Variants in LCLAT1 observed in about 807,000 individuals in gnomAD.
The protein encoded by LCLAT1 is 1-AGP acyltransferase 8.
In LCLAT1, 11 loss-of-function variants were observed where a neutral mutation model predicts 30.7. The ratio of observed to expected loss-of-function variants is 0.36; its 90% confidence interval spans 0.23 to 0.59. The LOEUF (loss-of-function observed/expected upper bound fraction) is 0.59. LCLAT1 is among the 20% of genes least tolerant of loss of function. The pLI is 0.77. For missense variants in LCLAT1, 402 were observed against 458.6 expected, an observed-to-expected ratio of 0.88 and a Z score of 1.13; for synonymous variants, 155 against 151.3, an observed-to-expected ratio of 1.02 and a Z score of -0.18.
chr2:30,557,058 A>C (rs1165554496), intron 3 of LCLAT1, among the ~76,000 whole-genome samples: 1 of 152,018 alleles, frequency 6.6e-6, no homozygotes, highest in Non-Finnish European at 1.5e-5. Flanking sequence ...AACTCTTATA[A>C]TAATGTGACA....
At chr2:30,467,709 T>C (rs1682519912) in intron 1 of LCLAT1, among the ~76,000 whole-genome samples, 1 of 152,242 alleles carries the variant, frequency 6.6e-6, no homozygotes, top group Non-Finnish European at 1.5e-5. Context: ...CATTTTTTCA[T>C]GTGTCTGTTG....
chr2:30,617,739 T>A (rs1668061171), intron 5 of LCLAT1, among the ~76,000 whole-genome samples: 1 of 152,192 alleles, frequency 6.6e-6, no homozygotes, highest in Non-Finnish European at 1.5e-5. Flanking sequence ...TAATAGTAAC[T>A]AAAGTGTTAA....
chr2:30,459,143 T>G (rs1244977838), intron 1 of LCLAT1, among the ~76,000 whole-genome samples: 2 of 152,196 alleles, frequency 1.3e-5, no homozygotes, highest in African/African-American at 4.8e-5. Context: ...TCTTTGAAAC[T>G]TGAATACCCT....
intron 1 of LCLAT1, among the ~76,000 whole-genome samples, chr2:30,482,177 A>G (rs949308930): frequency 6.6e-6 from 1 of 152,240 alleles, no homozygotes; most frequent in African/African-American, 2.4e-5. Flanking sequence ...TAAGACAGAC[A>G]TCTAAATAGG....
chr2:30,518,426 C>T (rs369500083), intron 1 of LCLAT1, among the ~76,000 whole-genome samples: 17 of 152,154 alleles, frequency 1.1e-4, no homozygotes, highest in African/African-American at 2.7e-4. Flanking sequence ...CTCAAACGTG[C>T]GAGCTGTTTG....
chr2:30,526,016 C>T (rs764495020), intron 2 of LCLAT1, among the ~76,000 whole-genome samples: 1 of 152,168 alleles, frequency 6.6e-6, no homozygotes, highest in East Asian at 1.9e-4. Context: ...TCAGTACAGG[C>T]TTAGCCATCC....
intron 4 of LCLAT1, among the ~76,000 whole-genome samples, chr2:30,565,790 A>T (rs1226324014): frequency 6.6e-6 from 1 of 152,182 alleles, no homozygotes; most frequent in Non-Finnish European, 1.5e-5. Flanking sequence ...GGAGAGAGAG[A>T]GAGTCATAGA....
intron 1 of LCLAT1, among the ~76,000 whole-genome samples, chr2:30,468,522 GT>G (rs34503678): frequency 0.41 from 61,976 of 150,358 alleles, 13,547 homozygotes; most frequent in African/African-American, 0.58. Flanking sequence ...ATATATATCT[GT>G]TTTTTTTTTA....
chr2:30,555,785 C>T (rs1664886235), intron 3 of LCLAT1, among the ~76,000 whole-genome samples: 1 of 151,036 alleles, frequency 6.6e-6, no homozygotes, highest in Non-Finnish European at 1.5e-5. Flanking sequence ...ATGGGGTATA[C>T]AATTTCCAAA....
intron 5 of LCLAT1, among the ~76,000 whole-genome samples, chr2:30,633,975 CTTA>C (rs1668895636): frequency 6.6e-6 from 1 of 152,190 alleles, no homozygotes; most frequent in African/African-American, 2.4e-5. Context: ...AGCTGGGACT[CTTA>C]TAATAGTCGT....
chr2:30,565,410 A>G (rs927307921), intron 4 of LCLAT1, among the ~76,000 whole-genome samples: 2 of 152,168 alleles, frequency 1.3e-5, no homozygotes, highest in African/African-American at 4.8e-5. Context: ...TGCTGTACTC[A>G]GTCTACTAAT....
At chr2:30,534,431 C>G (rs1268338340) in intron 3 of LCLAT1, among the ~76,000 whole-genome samples, 1 of 152,160 alleles carries the variant, frequency 6.6e-6, no homozygotes, top group African/African-American at 2.4e-5. Flanking sequence ...GCGCCAGCCA[C>G]CACGCCTGGC....
chr2:30,447,535 TGG>T (rs2148244824), intron 1 of LCLAT1, 152 bp downstream of exon 1: 1 of 152,356 alleles, frequency 6.6e-6, no homozygotes. Flanking sequence ...TAACGGCCAC[TGG>T]CCTGGCATTT....
At chr2:30,536,775 TAAAC>T (rs1291202936) in intron 3 of LCLAT1, among the ~76,000 whole-genome samples, 4 of 152,238 alleles carry the variant, frequency 2.6e-5, no homozygotes, top group South Asian at 2.1e-4. Flanking sequence ...ATTGCATAGA[TAAAC>T]AATAAGACAA....
At chr2:30,561,512 T>G (rs1665221111) in intron 3 of LCLAT1, among the ~76,000 whole-genome samples, 1 of 152,210 alleles carries the variant, frequency 6.6e-6, no homozygotes, top group Admixed American at 6.5e-5. Context: ...ATCTAAAACA[T>G]GGCACATCTA....
chr2:30,468,424 T>C (rs1417500579), intron 1 of LCLAT1, among the ~76,000 whole-genome samples: 2 of 152,190 alleles, frequency 1.3e-5, no homozygotes, highest in South Asian at 2.1e-4. Flanking sequence ...GACTTGGCAA[T>C]TGCCCTGCAA....
intron 5 of LCLAT1, among the ~76,000 whole-genome samples, chr2:30,636,486 C>T (rs1669030339): frequency 6.6e-6 from 1 of 152,124 alleles, no homozygotes; most frequent in African/African-American, 2.4e-5. Flanking sequence ...CTAAGTAAGC[C>T]ACAGAGATAT....
chr2:30,461,498 C>T (rs1052864026), intron 1 of LCLAT1, among the ~76,000 whole-genome samples: 5 of 152,096 alleles, frequency 3.3e-5, no homozygotes, highest in Admixed American at 2.0e-4. Context: ...TAGGCTGAAG[C>T]GGTCCTCCTG....
chr2:30,539,769 GTTA>G (rs1285880087), intron 3 of LCLAT1, among the ~76,000 whole-genome samples: 9 of 152,176 alleles, frequency 5.9e-5, no homozygotes, highest in African/African-American at 1.9e-4. Flanking sequence ...CTAATAATTT[GTTA>G]TTATGTGCTG....
Sources: allele counts gnomAD v4.1 joint callset (sites outside exome capture counted in the v4.1 genomes callset), GRCh38; gene constraint gnomAD v4.1.1; transcripts MANE v1.5; gene names NCBI Gene and HGNC (gene_info 2026-07-23, HGNC 2026-07-21).